SEC24A: variants seen among roughly 807,000 people sequenced by gnomAD.
SEC24A encodes SEC24 homolog A, COPII component, also known as protein transport protein Sec24A.
SEC24A carries 93 observed loss-of-function variants against 129.4 expected under a neutral mutation model. That is an observed-to-expected ratio of 0.72 (90% CI 0.61 to 0.85). SEC24A has a LOEUF of 0.85. SEC24A is among the 40% of genes least tolerant of loss of function. SEC24A has a pLI of 0.00. For synonymous variants in SEC24A, 460 were observed against 467.3 expected, an observed-to-expected ratio of 0.98 and a Z score of 0.20; for missense variants, 1,264 against 1,307.4, an observed-to-expected ratio of 0.97 and a Z score of 0.51.
chr5:134,671,743 TTAAAA>T, intron 3 of SEC24A, 61 bp from the exon 4 acceptor site: 1 of 970,842 alleles, frequency 1.0e-6, no homozygotes, highest in Non-Finnish European at 1.5e-6. Flanking sequence ...TGGATATTAG[TTAAAA>T]TCATACAGAG....
Position 134,718,018 on chromosome 5 carries a change from ACT to A in SEC24A, c.2866-49_2866-48del, listed in dbSNP as rs567878797. Reference sequence around the variant, plus strand: ...AATTTTTTGTTGTTGTTTAACTGTGACTCCATATTTCCTATATTTAAAACCTT... The same window carrying A: ...AATTTTTTGTTGTTGTTTAACTGTGACCATATTTCCTATATTTAAAACCTT... On this transcript the variant is annotated intron_variant, in intron 19 of 22. Coordinates refer to ENST00000398844, the MANE Select transcript of SEC24A (RefSeq NM_021982.3). 1,309 of 1,369,430 alleles carry A rather than the reference ACT, an allele frequency of 9.6e-4. 1 individual carries two copies. Among genetic ancestry groups the A allele is most frequent in the Non-Finnish European group, 1.3e-3 (1,247 of 959,876 alleles). 84.8% of individuals were successfully genotyped at this position (1,369,430 alleles called of 1,614,324 possible).
intron 1 of SEC24A, among the ~76,000 whole-genome samples, chr5:134,650,679 C>T (rs1252317003): frequency 1.3e-5 from 2 of 151,932 alleles, no homozygotes; most frequent in Admixed American, 6.6e-5. Context: ...GCTGTAATTA[C>T]AGGCCTGATC....
intron 1 of SEC24A, among the ~76,000 whole-genome samples, chr5:134,660,224 G>A (rs956908123): frequency 2.6e-5 from 4 of 151,488 alleles, no homozygotes; most frequent in African/African-American, 4.8e-5. Context: ...AAATTAGGCC[G>A]GCGTGGTGGT....
At chr5:134,712,174 T>C (rs1752346620) in intron 18 of SEC24A, among the ~76,000 whole-genome samples, 1 of 152,142 alleles carries the variant, frequency 6.6e-6, no homozygotes, top group Admixed American at 6.6e-5. Flanking sequence ...TACTTGTCTG[T>C]TATGTGTAGT....
At chr5:134,693,152 C>A in intron 12 of SEC24A, 1 of 1,535,086 alleles carries the variant, frequency 6.5e-7, no homozygotes, top group Admixed American at 2.0e-5. Flanking sequence ...CCTGTACATG[C>A]ATATATGCCG....
At chr5:134,721,236 C>T (rs1057378937) in intron 21 of SEC24A, 146 bp downstream of exon 21, 20 of 591,424 alleles carry the variant, frequency 3.4e-5, no homozygotes, top group East Asian at 1.2e-4. Context: ...GATTCTATGA[C>T]TCCACTCATA....
chr5:134,698,480 C>T (rs1337140444), intron 15 of SEC24A, among the ~76,000 whole-genome samples: 1 of 151,718 alleles, frequency 6.6e-6, no homozygotes, highest in Non-Finnish European at 1.5e-5. Context: ...TGGTGCACGT[C>T]TGTAGTCCCA....
intron 7 of SEC24A, among the ~76,000 whole-genome samples, chr5:134,678,709 G>C (rs937860509): frequency 6.6e-5 from 10 of 151,952 alleles, no homozygotes; most frequent in Non-Finnish European, 1.5e-4. Flanking sequence ...AGCCTCCTGA[G>C]TAGCTGGGAT....
chr5:134,715,851 T>TAA (rs34876785), intron 19 of SEC24A, among the ~76,000 whole-genome samples: 5 of 140,554 alleles, frequency 3.6e-5, no homozygotes, highest in African/African-American at 5.2e-5. Context: ...CTTAAAGTAT[T>TAA]AAAAAAAAAA....
At chr5:134,675,952 A>C in intron 6 of SEC24A, 71 bp from the exon 7 acceptor site, 1 of 1,079,584 alleles carries the variant, frequency 9.3e-7, no homozygotes, top group Non-Finnish European at 1.4e-6. Context: ...TATACCTTTT[A>C]AATCTTTGTT....
chr5:134,709,369 C>G (rs892172615), intron 18 of SEC24A, among the ~76,000 whole-genome samples: 3 of 151,974 alleles, frequency 2.0e-5, no homozygotes, highest in African/African-American at 7.3e-5. Flanking sequence ...GTTTAATAAC[C>G]AAAGAAACTT....
At chr5:134,680,363 C>A (rs1184208611) in intron 8 of SEC24A, among the ~76,000 whole-genome samples, 1 of 152,140 alleles carries the variant, frequency 6.6e-6, no homozygotes, top group Admixed American at 6.6e-5. Flanking sequence ...GATGGAGTCT[C>A]ACTCTGTTGC....
At chr5:134,697,757 CA>C (rs980857327) in intron 14 of SEC24A, 141 bp from the exon 15 acceptor site, 19 of 893,152 alleles carry the variant, frequency 2.1e-5, no homozygotes, top group Non-Finnish European at 3.2e-5. Context: ...GACTCTGTCT[CA>C]AAAAAAGGGA....
intron 18 of SEC24A, among the ~76,000 whole-genome samples, chr5:134,713,250 GT>G (rs1484395090): frequency 6.6e-6 from 1 of 151,992 alleles, no homozygotes; most frequent in Non-Finnish European, 1.5e-5. Context: ...AAATTTTGAC[GT>G]TTAAAAATCT....
At chr5:134,717,617 A>T (rs908872748) in intron 19 of SEC24A, among the ~76,000 whole-genome samples, 3 of 151,982 alleles carry the variant, frequency 2.0e-5, no homozygotes, top group African/African-American at 2.4e-5. Context: ...CATCTTCTTT[A>T]TATGTAAATA....
In SEC24A at chr5:134,696,135, T is replaced by G. The variant is rs557630776; in HGVS notation, c.1987-991T>G. ...TACAAAAAACATTAGCTGGGCATGG[T>G]GGTGCATGCCTGTAATCCCAGCTAC... On this transcript the variant is annotated intron_variant, in intron 13 of 22. Coordinates refer to ENST00000398844, the MANE Select transcript of SEC24A (RefSeq NM_021982.3). Among the ~76,000 whole-genome samples the G allele has an allele frequency of 7.3e-5, 11 of 150,430 alleles. No individual in the cohort carries two copies. The South Asian group carries it at 2.3e-3, about 32-fold the overall frequency.
rs368831476 is a variant in SEC24A at position 134,697,884 on chromosome 5, T to C, written c.2108-15T>C. 8.7e-6 allele frequency: 14 copies of C among 1,606,720 alleles called. No homozygotes were observed. The African/African-American group carries it at 1.9e-4, about 22-fold the overall frequency. ...GTTAACGGCACAGTTTAAAACAGTG[T>C]GTGTTCTCTTCCAGGTTGTATTTCT... On this transcript the variant is annotated splice_polypyrimidine_tract_variant and intron_variant, in intron 14 of 22. Transcript: ENST00000398844.
chr5:134,683,677 C>T (rs981442951), intron 9 of SEC24A, among the ~76,000 whole-genome samples: 3 of 152,130 alleles, frequency 2.0e-5, no homozygotes, highest in Non-Finnish European at 4.4e-5. Context: ...CCATGCCCTG[C>T]TAATTTTTTA....
Position 134,679,582 on chromosome 5 carries a change from TTC to T in SEC24A, c.1255-18_1255-17del, listed in dbSNP as rs753615570. 8.5e-6 allele frequency: 13 copies of T among 1,538,198 alleles called. No individual in the cohort carries two copies. Among genetic ancestry groups the T allele is most frequent in the South Asian group, 3.7e-5 (3 of 81,472 alleles). On this transcript the variant is annotated intron_variant, in intron 7 of 22. Transcript: ENST00000398844. ...ATGATTTTTGCCTTTAAAAATTTAATTCTGTTTTTTTTTTTCCAGCAATTGCC... is the reference window on the plus strand; with the variant it reads ...ATGATTTTTGCCTTTAAAAATTTAATTGTTTTTTTTTTTCCAGCAATTGCC...
Sources: gnomAD v4.1 joint callset for allele counts (sites outside exome capture counted in the v4.1 genomes callset) on GRCh38, gnomAD v4.1.1 for gene constraint, MANE v1.5 for transcripts, NCBI Gene and HGNC (gene_info 2026-07-23, HGNC 2026-07-21) for gene names.